MYCBP2: variants seen among roughly 807,000 people sequenced by gnomAD.
MYCBP2 encodes the protein E3 ubiquitin-protein ligase MYCBP2.
MYCBP2 carries 120 observed loss-of-function variants against 525.3 expected under a neutral mutation model. The observed-to-expected ratio is 0.23, with a 90% CI of 0.20 to 0.27. The LOEUF is 0.27. MYCBP2 is among the 10% of genes least tolerant of loss of function. The pLI is 1.00. For synonymous variants in MYCBP2, 1,894 were observed against 1,955.8 expected (o/e 0.97, Z 0.83); for missense variants, 4,149 against 5,657.1 (o/e 0.73, Z 8.55).
At chr13:77,161,497 T>C (rs2057917762) in intron 44 of MYCBP2, among the ~76,000 whole-genome samples, 1 of 152,220 alleles carries the variant, frequency 6.6e-6, no homozygotes, top group African/African-American at 2.4e-5. Context: ...TCACCAACTG[T>C]ACCAACCTCA....
At chr13:77,078,120 A>G (rs1159829140) in intron 66 of MYCBP2, 3 of 152,238 alleles carry the variant, frequency 2.0e-5, no homozygotes, top group Non-Finnish European at 2.9e-5. Context: ...AGGGGTATTA[A>G]GTATAAACAA....
intron 26 of MYCBP2, among the ~76,000 whole-genome samples, chr13:77,200,273 A>C (rs1280973627): frequency 6.6e-6 from 1 of 152,228 alleles, no homozygotes. Flanking sequence ...GATGAGATCA[A>C]CTGGAAGAAA....
chr13:77,138,484 G>A (rs1030456222), intron 52 of MYCBP2, among the ~76,000 whole-genome samples: 24 of 152,058 alleles, frequency 1.6e-4, no homozygotes, highest in African/African-American at 5.1e-4. Context: ...AATTTTACCC[G>A]TGCTATTTAT....
intron 3 of MYCBP2, among the ~76,000 whole-genome samples, chr13:77,279,889 T>C (rs2076012415): frequency 6.6e-6 from 1 of 152,198 alleles, no homozygotes; most frequent in South Asian, 2.1e-4. Context: ...TATAACTATT[T>C]TTGTTTTCAT....
intron 18 of MYCBP2, among the ~76,000 whole-genome samples, chr13:77,230,103 C>T (rs2066920128): frequency 6.6e-6 from 1 of 152,148 alleles, no homozygotes; most frequent in African/African-American, 2.4e-5. Context: ...ATATACTCTG[C>T]TTTGCCTTTA....
intron 1 of MYCBP2, among the ~76,000 whole-genome samples, chr13:77,302,843 T>G (rs886532443): frequency 6.6e-6 from 1 of 152,038 alleles, no homozygotes; most frequent in Admixed American, 6.5e-5. Context: ...GGCAAAAGGG[T>G]CAAATCATTA....
intron 14 of MYCBP2, among the ~76,000 whole-genome samples, chr13:77,254,651 T>C (rs2071841403): frequency 6.6e-6 from 1 of 151,794 alleles, no homozygotes; most frequent in African/African-American, 2.4e-5. Context: ...AAATACACAA[T>C]ATATTGTTGT....
chr13:77,158,077 C>A lies in MYCBP2; in HGVS notation c.6630G>T (p.Lys2210Asn). 1 of 1,598,662 alleles carries A rather than the reference C, an allele frequency of 6.3e-7. No homozygotes were observed. The highest frequency in any genetic ancestry group is 8.5e-7 in the Non-Finnish European group (1 of 1,174,220). Reference sequence around the variant, plus strand: ...TTGGTGAATGAGAAAGAGCTAGACCCTTTCCAAGAATTCCAGAATGGGTTT... The same window carrying A: ...TTGGTGAATGAGAAAGAGCTAGACCATTTCCAAGAATTCCAGAATGGGTTT... ...VCKTHSGILG[K>N]GLALSHSPTI... The change falls in exon 45 of 83, where the codon AAG (lysine) becomes AAT (asparagine). Residue 2210 changes from lysine (K) to asparagine (N), a missense_variant. This residue lies in a region of MYCBP2 where 692 missense variants were observed against 852.7 expected (regional missense o/e 0.81). Transcript: ENST00000544440.
At chr13:77,325,744 G>A (rs1208947460) in intron 1 of MYCBP2, among the ~76,000 whole-genome samples, 1 of 152,200 alleles carries the variant, frequency 6.6e-6, no homozygotes, top group Non-Finnish European at 1.5e-5. Context: ...AGAAATGGCC[G>A]ATGGGACATC....
At chr13:77,146,270 C>T in intron 47 of MYCBP2, 53 bp from the exon 48 acceptor site, 1 of 1,238,848 alleles carries the variant, frequency 8.1e-7, no homozygotes, top group Non-Finnish European at 1.1e-6. Flanking sequence ...AAAACATTCT[C>T]AATTAACAGA....
At chr13:77,154,298 G>A (rs1355807686) in intron 46 of MYCBP2, among the ~76,000 whole-genome samples, 1 of 151,740 alleles carries the variant, frequency 6.6e-6, no homozygotes, top group Non-Finnish European at 1.5e-5. Flanking sequence ...CACTGAGTAA[G>A]AGGTTTAAGT....
chr13:77,171,970 G>A (rs759028556), intron 37 of MYCBP2, among the ~76,000 whole-genome samples: 4 of 152,018 alleles, frequency 2.6e-5, no homozygotes, highest in African/African-American at 9.7e-5. Flanking sequence ...GCATGATCTC[G>A]GCTCACTGCA....
At chr13:77,239,932 T>C (rs1594231752) in intron 17 of MYCBP2, among the ~76,000 whole-genome samples, 1 of 152,326 alleles carries the variant, frequency 6.6e-6, no homozygotes, top group South Asian at 2.1e-4. Flanking sequence ...ACTCTATTTA[T>C]ACACTAATAT....
rs1193454832 is a variant in MYCBP2, at chr13:77,058,190, C to G, written c.13329+28G>C. On this transcript the variant is annotated intron_variant, in intron 78 of 82. Coordinates refer to ENST00000544440, the MANE Select transcript of MYCBP2 (RefSeq NM_015057.5). The surrounding 1 kb of genome is among the most constrained non-coding windows in gnomAD (Gnocchi z 4.1). ...TATTCCCCATCTTAATGTCTGGATA[C>G]ATTCAATACTTTAAAAGCTGAGGCA... 2.5e-6 allele frequency: 4 copies of G among 1,606,490 alleles called. No individual in the cohort carries two copies. The South Asian group carries it at 4.4e-5, about 18-fold the overall frequency.
chr13:77,300,382 TAAAG>T (rs1468170071), intron 1 of MYCBP2, among the ~76,000 whole-genome samples: 3 of 152,224 alleles, frequency 2.0e-5, no homozygotes, highest in South Asian at 2.1e-4. Context: ...CGGCAGCACA[TAAAG>T]AGAGGAGTGT....
chr13:77,084,694 T>C (rs1221716860), intron 62 of MYCBP2, among the ~76,000 whole-genome samples: 1 of 152,092 alleles, frequency 6.6e-6, no homozygotes, highest in African/African-American at 2.4e-5. Flanking sequence ...GGACTAAAAC[T>C]TCAGAACCCA....
intron 73 of MYCBP2, among the ~76,000 whole-genome samples, chr13:77,063,150 TA>T: frequency 6.6e-6 from 1 of 152,314 alleles, no homozygotes; most frequent in African/African-American, 2.4e-5. Flanking sequence ...TCCTTCTAGA[TA>T]ATAAAAGTTC....
rs147886448 is a variant in MYCBP2, at chr13:77,310,786, G to GCACA, written c.303-14116_303-14113dup. Among the ~76,000 whole-genome samples, 557 of 150,156 alleles carry GCACA rather than the reference G, an allele frequency of 3.7e-3. 2 individuals carry two copies. The highest frequency in any genetic ancestry group is 0.024 in the Middle Eastern group (7 of 294). ...GACACAGACGTGTGTGCGTGCGCAT[G>GCACA]CACACACACACACACACCATATTTA... On this transcript the variant is annotated intron_variant, in intron 1 of 82. Coordinates refer to ENST00000544440, the MANE Select transcript of MYCBP2 (RefSeq NM_015057.5).
rs767883924 is a variant in MYCBP2, at chr13:77,166,452, T to C, written c.6217A>G (p.Thr2073Ala). 2.5e-5 allele frequency: 40 copies of C among 1,614,080 alleles called. No individual in the cohort carries two copies. Among genetic ancestry groups the C allele is most frequent in the Non-Finnish European group, 3.4e-5 (40 of 1,179,948 alleles). Residue 2073 changes from threonine to alanine, a missense_variant, in exon 41 of 83, where the codon ACT (threonine) becomes GCT (alanine). This residue lies in a region of MYCBP2 where 692 missense variants were observed against 852.7 expected (regional missense o/e 0.81). Coordinates refer to ENST00000544440, the MANE Select transcript of MYCBP2 (RefSeq NM_015057.5). ...DVLRLLIPVR[T>A]VQNSGYGPKL... ...GGTCCATATCCTGAATTCTGAACAG[T>C]TCTGACAGGAATCAACAAACGAAGG...
Sources: gnomAD v4.1 joint callset for allele counts (sites outside exome capture counted in the v4.1 genomes callset) on GRCh38, gnomAD v4.1.1 for gene constraint, gnomAD v4.1.1 regional missense constraint, Gnocchi (gnomAD v3.1) non-coding constraint, MANE v1.5 for transcripts, NCBI Gene and HGNC (gene_info 2026-07-23, HGNC 2026-07-21) for gene names.